Variants in GPR158 observed in about 807,000 individuals in gnomAD.
GPR158 encodes the protein metabotropic glycine receptor.
In GPR158, 30 loss-of-function variants were observed where a neutral mutation model predicts 78.2. The ratio of observed to expected loss-of-function variants is 0.38; its 90% confidence interval spans 0.29 to 0.52. The LOEUF (loss-of-function observed/expected upper bound fraction) is 0.52, where lower values mean the gene tolerates loss of function less well. GPR158 is among the 20% of genes least tolerant of loss of function. GPR158 has a pLI of 0.83. For missense variants in GPR158, 1,463 were observed against 1,523.5 expected, an observed-to-expected ratio of 0.96 and a Z score of 0.66; for synonymous variants, 581 against 591.1, an observed-to-expected ratio of 0.98 and a Z score of 0.25.
At position 25,481,919 on chromosome 10, in the gene GPR158, G is replaced by T. The variant is rs147026391; in HGVS notation, c.1404+15200G>T. Among the ~76,000 whole-genome samples the T allele has an allele frequency of 4.8e-3, 730 of 152,308 alleles. 2 individuals are homozygous for T. Among genetic ancestry groups the T allele is most frequent in the Non-Finnish European group, 7.3e-3 (500 of 68,038 alleles). ...GGGTGTCTGTTTTATACATAGTCAT[G>T]TAGAGGACTGGGCGGAGGGGAACAG... On this transcript the variant is annotated intron_variant, in intron 5 of 10. Coordinates refer to ENST00000376351, the MANE Select transcript of GPR158 (RefSeq NM_020752.3).
chr10:25,474,748 C>T (rs372165545), intron 5 of GPR158, among the ~76,000 whole-genome samples: 4 of 152,054 alleles, frequency 2.6e-5, no homozygotes, highest in East Asian at 1.9e-4. Context: ...TAAATAGGCA[C>T]GGAATGAGTG....
At chr10:25,210,989 G>C (rs1853121499) in intron 1 of GPR158, among the ~76,000 whole-genome samples, 1 of 151,760 alleles carries the variant, frequency 6.6e-6, no homozygotes, top group Non-Finnish European at 1.5e-5. Flanking sequence ...AAAAATAGCG[G>C]GGTGTGGTGG....
intron 2 of GPR158, among the ~76,000 whole-genome samples, chr10:25,231,591 A>G (rs1853448826): frequency 6.6e-6 from 1 of 152,156 alleles, no homozygotes; most frequent in Admixed American, 6.6e-5. Context: ...GGAGAGAGCT[A>G]CCTGACCATC....
rs528366281 is a variant in GPR158, at chr10:25,372,009, A to T, written c.1009-23902A>T. Among the ~76,000 whole-genome samples the T allele has an allele frequency of 6.8e-4, 103 of 152,008 alleles. 1 individual carries two copies. Among genetic ancestry groups the T allele is most frequent in the African/African-American group, 1.8e-3 (76 of 41,404 alleles). On this transcript the variant is annotated intron_variant, in intron 2 of 10. Transcript: ENST00000376351. ...TGCAATGAACTCAAATAAATTTACAAGACAAAAACAAACAACCCCGTCAAA... is the reference window on the plus strand; with the variant it reads ...TGCAATGAACTCAAATAAATTTACATGACAAAAACAAACAACCCCGTCAAA...
chr10:25,293,401 C>T (rs1238363294), intron 2 of GPR158, among the ~76,000 whole-genome samples: 1 of 152,166 alleles, frequency 6.6e-6, no homozygotes, highest in African/African-American at 2.4e-5. Context: ...TGGGGATCAT[C>T]TTCACAATAA....
At chr10:25,246,357 TAATA>T (rs1853688749) in intron 2 of GPR158, among the ~76,000 whole-genome samples, 1 of 152,196 alleles carries the variant, frequency 6.6e-6, no homozygotes, top group African/African-American at 2.4e-5. Flanking sequence ...TATCTGCAAA[TAATA>T]AATCATCACT....
chr10:25,240,579 T>A (rs749892549), intron 2 of GPR158, among the ~76,000 whole-genome samples: 18 of 152,242 alleles, frequency 1.2e-4, no homozygotes, highest in Middle Eastern at 3.4e-3. Flanking sequence ...TGATTAGAAA[T>A]GATAAGGAAA....
At chr10:25,358,572 T>A (rs1412041746) in intron 2 of GPR158, among the ~76,000 whole-genome samples, 2 of 152,084 alleles carry the variant, frequency 1.3e-5, no homozygotes, top group African/African-American at 2.4e-5. Flanking sequence ...TCTTTTTACC[T>A]GCAGCCATCC....
intron 1 of GPR158, among the ~76,000 whole-genome samples, chr10:25,178,471 GTGCC>G (rs1852570768): frequency 6.6e-6 from 1 of 152,212 alleles, no homozygotes; most frequent in Non-Finnish European, 1.5e-5. Flanking sequence ...AATGAACTCA[GTGCC>G]TTCTGGCAGC....
At chr10:25,302,013 C>T (rs1854602397) in intron 2 of GPR158, among the ~76,000 whole-genome samples, 1 of 150,948 alleles carries the variant, frequency 6.6e-6, no homozygotes, top group South Asian at 2.1e-4. Context: ...TTGCTTTGTT[C>T]AGTGTAATGT....
chr10:25,426,645 A>C (rs576091019), intron 4 of GPR158, among the ~76,000 whole-genome samples: 1 of 152,224 alleles, frequency 6.6e-6, no homozygotes, highest in East Asian at 1.9e-4. Flanking sequence ...GCTGTCTTAC[A>C]TGGGTGAGGT....
At chr10:25,307,966 C>A (rs79604184) in intron 2 of GPR158, among the ~76,000 whole-genome samples, 3,762 of 152,158 alleles carry the variant, frequency 0.025, 159 homozygotes, top group African/African-American at 0.086. Flanking sequence ...TTGTCAGATT[C>A]CTCACTAGAT....
intron 1 of GPR158, among the ~76,000 whole-genome samples, chr10:25,187,954 T>A (rs1374240344): frequency 6.6e-6 from 1 of 152,172 alleles, no homozygotes; most frequent in Non-Finnish European, 1.5e-5. Flanking sequence ...ACAAAATCAA[T>A]GTGCAAAAAT....
At chr10:25,404,145 C>G (rs939973325) in intron 3 of GPR158, among the ~76,000 whole-genome samples, 2 of 152,052 alleles carry the variant, frequency 1.3e-5, no homozygotes, top group Non-Finnish European at 2.9e-5. Context: ...TTAAATTGTG[C>G]TTTGAGTACT....
chr10:25,314,245 C>A (rs556872272), intron 2 of GPR158, among the ~76,000 whole-genome samples: 32 of 152,012 alleles, frequency 2.1e-4, no homozygotes, highest in Admixed American at 5.2e-4. Flanking sequence ...GGACTACATG[C>A]GTGCACCACT....
intron 2 of GPR158, among the ~76,000 whole-genome samples, chr10:25,324,965 A>G (rs913191278): frequency 1.3e-5 from 2 of 151,386 alleles, no homozygotes; most frequent in African/African-American, 4.9e-5. Flanking sequence ...CAACTTCCCG[A>G]GTAGCTGGGA....
chr10:25,374,841 T>G (rs1467825331), intron 2 of GPR158, among the ~76,000 whole-genome samples: 1 of 151,740 alleles, frequency 6.6e-6, no homozygotes. Flanking sequence ...CTCTTAAAAA[T>G]AAAGCCAAAC....
intron 1 of GPR158, among the ~76,000 whole-genome samples, chr10:25,182,995 C>T (rs1852631856): frequency 6.6e-6 from 1 of 152,200 alleles, no homozygotes; most frequent in Admixed American, 6.5e-5. Context: ...CTGCAGCCAG[C>T]AGCGTTGTGA....
At chr10:25,300,896 A>G (rs1172281948) in intron 2 of GPR158, among the ~76,000 whole-genome samples, 1 of 152,046 alleles carries the variant, frequency 6.6e-6, no homozygotes, top group African/African-American at 2.4e-5. Context: ...GATTGAATTC[A>G]TTTGGCTTTG....
Sources: gnomAD v4.1 joint callset for allele counts (sites outside exome capture counted in the v4.1 genomes callset) on GRCh38, gnomAD v4.1.1 for gene constraint, MANE v1.5 for transcripts, NCBI Gene and HGNC (gene_info 2026-07-23, HGNC 2026-07-21) for gene names.